Variants in PPP1R9A observed in about 807,000 individuals in gnomAD.
The protein encoded by PPP1R9A is neurabin-1.
PPP1R9A carries 59 observed loss-of-function variants against 141.9 expected under a neutral mutation model. The observed-to-expected ratio is 0.42, with a 90% CI of 0.34 to 0.52. PPP1R9A has a LOEUF of 0.52. PPP1R9A is among the 20% of genes least tolerant of loss of function. The pLI is 0.10. For missense variants in PPP1R9A, 1,444 were observed against 1,611.9 expected (o/e 0.90, Z 1.78); for synonymous variants, 500 against 569.7 (o/e 0.88, Z 1.74).
intron 4 of PPP1R9A, among the ~76,000 whole-genome samples, chr7:95,144,139 C>A (rs1177004422): frequency 1.3e-5 from 2 of 152,042 alleles, no homozygotes; most frequent in African/African-American, 4.8e-5. Flanking sequence ...CTTTGACAAA[C>A]CTCTCCCCAT....
intron 2 of PPP1R9A, among the ~76,000 whole-genome samples, chr7:94,942,191 A>G (rs1160202966): frequency 6.6e-6 from 1 of 152,142 alleles, no homozygotes; most frequent in African/African-American, 2.4e-5. Flanking sequence ...TTGGCCTGTC[A>G]CTCAGAAGCC....
At chr7:95,023,127 A>T (rs1178415246) in intron 2 of PPP1R9A, among the ~76,000 whole-genome samples, 1 of 152,120 alleles carries the variant, frequency 6.6e-6, no homozygotes, top group Non-Finnish European at 1.5e-5. Flanking sequence ...TTTGGTTGGT[A>T]GGCTGTTAAT....
At chr7:94,960,169 CTT>C (rs545105548) in intron 2 of PPP1R9A, among the ~76,000 whole-genome samples, 1 of 139,528 alleles carries the variant, frequency 7.2e-6, no homozygotes. Flanking sequence ...CTCTCTCTCT[CTT>C]TTTTTTTTTT....
intron 2 of PPP1R9A, among the ~76,000 whole-genome samples, chr7:94,927,571 GC>G (rs1319501286): frequency 1.8e-4 from 27 of 152,260 alleles, no homozygotes; most frequent in Middle Eastern, 3.4e-3. Context: ...ATTTAGAGAA[GC>G]ATTGTCTTCT....
intron 16 of PPP1R9A, among the ~76,000 whole-genome samples, chr7:95,282,068 A>G (rs1006161626): frequency 6.7e-5 from 10 of 149,902 alleles, no homozygotes; most frequent in African/African-American, 2.0e-4. Context: ...AGCCTCAGAA[A>G]ATAAATTATG....
chr7:95,208,208 G>A (rs1269457837), intron 7 of PPP1R9A, among the ~76,000 whole-genome samples: 1 of 152,090 alleles, frequency 6.6e-6, no homozygotes, highest in African/African-American at 2.4e-5. Flanking sequence ...CCCAGAAACA[G>A]CACTGTAGAT....
At chr7:95,002,971 T>A (rs766744023) in intron 2 of PPP1R9A, among the ~76,000 whole-genome samples, 2 of 152,166 alleles carry the variant, frequency 1.3e-5, no homozygotes, top group Non-Finnish European at 2.9e-5. Flanking sequence ...AATCTGATCC[T>A]GAGTCCTGCT....
At chr7:95,167,899 G>C (rs1831516019) in intron 5 of PPP1R9A, among the ~76,000 whole-genome samples, 1 of 151,868 alleles carries the variant, frequency 6.6e-6, no homozygotes, top group South Asian at 2.1e-4. Flanking sequence ...AAATTGAAGA[G>C]GACACAAACA....
chr7:95,262,942 T>G (rs1800656925), intron 12 of PPP1R9A, among the ~76,000 whole-genome samples: 1 of 152,114 alleles, frequency 6.6e-6, no homozygotes, highest in Admixed American at 6.6e-5. Flanking sequence ...CAGTACATCT[T>G]CCCCATACAA....
At chr7:95,004,231 C>T (rs555707751) in intron 2 of PPP1R9A, among the ~76,000 whole-genome samples, 11 of 152,078 alleles carry the variant, frequency 7.2e-5, no homozygotes, top group African/African-American at 2.7e-4. Context: ...TCACTTCAAA[C>T]TAAAGATATA....
chr7:95,205,196 C>A (rs1190139013), intron 7 of PPP1R9A, among the ~76,000 whole-genome samples: 1 of 152,186 alleles, frequency 6.6e-6, no homozygotes, highest in Non-Finnish European at 1.5e-5. Flanking sequence ...TAAACAATGT[C>A]ATCTTTTTGC....
intron 8 of PPP1R9A, among the ~76,000 whole-genome samples, chr7:95,246,522 TG>T (rs1285209670): frequency 6.6e-6 from 1 of 152,156 alleles, no homozygotes; most frequent in Admixed American, 6.6e-5. Context: ...TCATGTTTGG[TG>T]GCAAAAATAA....
intron 2 of PPP1R9A, among the ~76,000 whole-genome samples, chr7:94,977,759 ATTTTCTT>A (rs1799618323): frequency 7.2e-6 from 1 of 139,752 alleles, no homozygotes. Flanking sequence ...CTTCTTTTTC[ATTTTCTT>A]TTTTTTTTTT....
intron 2 of PPP1R9A, among the ~76,000 whole-genome samples, chr7:95,045,943 T>TTA (rs1809946181): frequency 6.6e-6 from 1 of 152,236 alleles, no homozygotes; most frequent in Non-Finnish European, 1.5e-5. Context: ...ATTTAACGGG[T>TTA]TATTAAACAC....
chr7:95,156,911 T>A (rs752249796), intron 4 of PPP1R9A: 2 of 152,554 alleles, frequency 1.3e-5, no homozygotes, highest in Non-Finnish European at 2.9e-5. Context: ...TGGTCATCCA[T>A]CATCTGCTCT....
intron 2 of PPP1R9A, among the ~76,000 whole-genome samples, chr7:95,088,074 A>G (rs866345135): frequency 6.6e-6 from 1 of 151,974 alleles, no homozygotes. Context: ...TTTGAGCTTT[A>G]TTCTGTGGCT....
intron 4 of PPP1R9A, among the ~76,000 whole-genome samples, chr7:95,154,336 T>C (rs1184631758): frequency 6.6e-6 from 1 of 152,132 alleles, no homozygotes; most frequent in African/African-American, 2.4e-5. Context: ...AAAAAGTTTC[T>C]CTTGTTACTG....
At chr7:95,184,344 T>C (rs1316659556) in intron 5 of PPP1R9A, among the ~76,000 whole-genome samples, 1 of 152,208 alleles carries the variant, frequency 6.6e-6, no homozygotes, top group East Asian at 1.9e-4. Flanking sequence ...TTTTTAGAGA[T>C]ATATGTTTCA....
chr7:95,145,687 T>G (rs1383601508), intron 4 of PPP1R9A, among the ~76,000 whole-genome samples: 2 of 152,090 alleles, frequency 1.3e-5, no homozygotes, highest in African/African-American at 4.8e-5. Flanking sequence ...TGTGTGATGT[T>G]CCCCTCCCTG....
Sources: allele counts gnomAD v4.1 joint callset (sites outside exome capture counted in the v4.1 genomes callset), GRCh38; gene constraint gnomAD v4.1.1; transcripts MANE v1.5; gene names NCBI Gene and HGNC (gene_info 2026-07-23, HGNC 2026-07-21).